The following CDH13 variants were observed in gnomAD, a reference collection of about 807,000 sequenced individuals.
CDH13 encodes cadherin-13.
CDH13 carries 24 observed loss-of-function variants against 63.8 expected under a neutral mutation model. The observed-to-expected ratio is 0.38, with a 90% CI of 0.27 to 0.53. The LOEUF is 0.53. Among genes scored for constraint, CDH13 ranks in the 20% least tolerant of loss-of-function variants. The pLI is 0.85. For synonymous variants in CDH13, 503 were observed against 355.3 expected, an observed-to-expected ratio of 1.42 and a Z score of -4.67; for missense variants, 1,049 against 903.1, an observed-to-expected ratio of 1.16 and a Z score of -2.07.
At chr16:82,689,430 C>G (rs1036618136) in intron 1 of CDH13, among the ~76,000 whole-genome samples, 4 of 152,108 alleles carry the variant, frequency 2.6e-5, no homozygotes, top group African/African-American at 9.7e-5. Context: ...AGTTTAGTAA[C>G]CTCCTTTTAC....
At chr16:82,663,943 G>A (rs189299640) in intron 1 of CDH13, among the ~76,000 whole-genome samples, 1 of 152,204 alleles carries the variant, frequency 6.6e-6, no homozygotes, top group Non-Finnish European at 1.5e-5. Flanking sequence ...AGCATGACAG[G>A]CATTCCACTC....
intron 2 of CDH13, among the ~76,000 whole-genome samples, chr16:82,994,021 C>T (rs1477775996): frequency 6.6e-6 from 1 of 152,184 alleles, no homozygotes; most frequent in Non-Finnish European, 1.5e-5. Flanking sequence ...GAAATGTCTT[C>T]TGCAGAGCCA....
At chr16:82,880,728 G>T (rs999607842) in intron 2 of CDH13, among the ~76,000 whole-genome samples, 2 of 152,020 alleles carry the variant, frequency 1.3e-5, no homozygotes, top group African/African-American at 4.8e-5. Flanking sequence ...CAATATGCTG[G>T]TATATTTCAT....
chr16:83,418,039 CTT>C (rs1425383886), intron 6 of CDH13, among the ~76,000 whole-genome samples: 1 of 152,116 alleles, frequency 6.6e-6, no homozygotes, highest in Non-Finnish European at 1.5e-5. Flanking sequence ...CTTCCAGACA[CTT>C]TCTCCTTTTT....
chr16:83,018,177 T>C (rs1472583492), intron 2 of CDH13, among the ~76,000 whole-genome samples: 1 of 152,196 alleles, frequency 6.6e-6, no homozygotes, highest in Non-Finnish European at 1.5e-5. Flanking sequence ...CCAGCTTATC[T>C]CATTTTGCCT....
At chr16:82,660,266 G>A in intron 1 of CDH13, among the ~76,000 whole-genome samples, 1 of 152,118 alleles carries the variant, frequency 6.6e-6, no homozygotes, top group East Asian at 1.9e-4. Context: ...ATATGGGTCA[G>A]GCAGATGCAA....
intron 2 of CDH13, among the ~76,000 whole-genome samples, chr16:82,989,272 A>T (rs1272935494): frequency 6.6e-6 from 1 of 152,202 alleles, no homozygotes; most frequent in Non-Finnish European, 1.5e-5. Context: ...ACTCACAAGT[A>T]CAAGTCTGCA....
intron 2 of CDH13, among the ~76,000 whole-genome samples, chr16:82,897,885 C>T (rs750984332): frequency 3.9e-5 from 6 of 152,132 alleles, no homozygotes; most frequent in South Asian, 2.1e-4. Flanking sequence ...GTTCACTAGT[C>T]GGCAAACATT....
At chr16:82,888,571 A>G (rs1034566446) in intron 2 of CDH13, among the ~76,000 whole-genome samples, 3 of 152,176 alleles carry the variant, frequency 2.0e-5, no homozygotes, top group African/African-American at 7.2e-5. Flanking sequence ...TGCTCCAGGA[A>G]CTGTTCTCAG....
chr16:82,956,800 G>A (rs1906181856), intron 2 of CDH13, among the ~76,000 whole-genome samples: 1 of 152,178 alleles, frequency 6.6e-6, no homozygotes, highest in South Asian at 2.1e-4. Flanking sequence ...AATAACTTGT[G>A]TCTCAGTGGA....
chr16:83,107,938 C>A (rs922979019), intron 3 of CDH13, among the ~76,000 whole-genome samples: 1 of 151,928 alleles, frequency 6.6e-6, no homozygotes, highest in African/African-American at 2.4e-5. Context: ...CCTGCCTCAG[C>A]CTCCCGATTA....
intron 7 of CDH13, among the ~76,000 whole-genome samples, chr16:83,563,383 A>G (rs2075741012): frequency 6.6e-6 from 1 of 152,250 alleles, no homozygotes; most frequent in Admixed American, 6.5e-5. Context: ...CATGATAAAA[A>G]TGTTTTTGAA....
At chr16:82,869,562 C>G (rs1469692262) in intron 2 of CDH13, among the ~76,000 whole-genome samples, 2 of 152,128 alleles carry the variant, frequency 1.3e-5, no homozygotes, top group Non-Finnish European at 2.9e-5. Context: ...TTAGAGTTAT[C>G]ACGTTATCTG....
At position 83,448,960 on chromosome 16, in the gene CDH13, A is replaced by G. The variant is rs534244991; in HGVS notation, c.782-37517A>G. Among the ~76,000 whole-genome samples, 3 of 152,332 alleles carry G rather than the reference A, an allele frequency of 2.0e-5. No individual in the cohort carries two copies. The South Asian group carries it at 6.2e-4, about 32-fold the overall frequency. On this transcript the variant is annotated intron_variant, in intron 6 of 13. Coordinates refer to ENST00000567109, the MANE Select transcript of CDH13 (RefSeq NM_001257.5). The stretch of plus-strand genomic sequence containing the variant: ...CTTCGTATGGAGACAGATTACAGAA[A>G]GAAGTCAAGTGAAGCAACAATATGC...
chr16:83,592,122 G>T (rs1051099772), intron 7 of CDH13, among the ~76,000 whole-genome samples: 1 of 152,152 alleles, frequency 6.6e-6, no homozygotes, highest in South Asian at 2.1e-4. Flanking sequence ...GCTCATCAGG[G>T]TGTTGGTCTC....
At chr16:83,243,071 G>T (rs990812740) in intron 5 of CDH13, among the ~76,000 whole-genome samples, 1 of 152,094 alleles carries the variant, frequency 6.6e-6, no homozygotes, top group African/African-American at 2.4e-5. Context: ...TGAGTAATTG[G>T]TACAGCCAGG....
chr16:83,450,171 A>G (rs567162390), intron 6 of CDH13, among the ~76,000 whole-genome samples: 3 of 152,186 alleles, frequency 2.0e-5, no homozygotes, highest in Non-Finnish European at 4.4e-5. Context: ...GAAAGTGCAC[A>G]TTCCCAGATA....
intron 5 of CDH13, among the ~76,000 whole-genome samples, chr16:83,240,817 C>T (rs1238055313): frequency 7.0e-6 from 1 of 142,716 alleles, no homozygotes; most frequent in Non-Finnish European, 1.5e-5. Context: ...CTGTCTCAGT[C>T]CCCCAAGAAG....
intron 2 of CDH13, among the ~76,000 whole-genome samples, chr16:82,930,943 T>C (rs1053629236): frequency 6.6e-6 from 1 of 152,264 alleles, no homozygotes; most frequent in Non-Finnish European, 1.5e-5. Context: ...GTTCGACTTG[T>C]GGCTTTGTCA....
Sources: allele counts gnomAD v4.1 joint callset (sites outside exome capture counted in the v4.1 genomes callset), GRCh38; gene constraint gnomAD v4.1.1; transcripts MANE v1.5; gene names NCBI Gene and HGNC (gene_info 2026-07-23, HGNC 2026-07-21).